Variants in LMTK2 observed in about 807,000 individuals in gnomAD.
The protein encoded by LMTK2 is serine/threonine-protein kinase LMTK2.
A neutral mutation model predicts 127.5 loss-of-function variants in LMTK2; 37 were observed. That is an observed-to-expected ratio of 0.29 (90% confidence interval 0.22 to 0.38). The LOEUF (loss-of-function observed/expected upper bound fraction) is 0.38, where lower values mean the gene tolerates loss of function less well. Among genes scored for constraint, LMTK2 ranks in the 10% least tolerant of loss-of-function variants. The probability of loss-of-function intolerance (pLI) is 1.00; values close to 1 mark genes in which losing one functional copy is unlikely to be tolerated. For missense variants in LMTK2, 1,694 were observed against 1,920.3 expected, an observed-to-expected ratio of 0.88 and a Z score of 2.20; for synonymous variants, 819 against 810.1, an observed-to-expected ratio of 1.01 and a Z score of -0.19.
Position 98,159,873 on chromosome 7 carries a change from T to C in LMTK2, c.657+448T>C, listed in dbSNP as rs148403011. Reference sequence around the variant, plus strand: ...CTTTACCTAGAGTACTCCTCATCCGTCAGCATCTGAAAATAGCAAACGTAT... The same window carrying C: ...CTTTACCTAGAGTACTCCTCATCCGCCAGCATCTGAAAATAGCAAACGTAT... On this transcript the variant is annotated intron_variant, in intron 6 of 13. Transcript: ENST00000297293. Among the ~76,000 whole-genome samples the C allele has an allele frequency of 2.4e-4, 36 of 152,326 alleles. No individual in the cohort carries two copies. In the East Asian group the frequency reaches 6.7e-3, roughly 29 times the overall value.
intron 11 of LMTK2, among the ~76,000 whole-genome samples, chr7:98,196,270 T>C (rs1025626509): frequency 6.6e-6 from 1 of 151,838 alleles, no homozygotes; most frequent in Non-Finnish European, 1.5e-5. Context: ...AGGCCGTCTT[T>C]CTCTTTTCAT....
intron 6 of LMTK2, among the ~76,000 whole-genome samples, chr7:98,168,222 GAA>G (rs1797131946): frequency 6.6e-6 from 1 of 152,202 alleles, no homozygotes; most frequent in African/African-American, 2.4e-5. Flanking sequence ...AGAGCAGAGA[GAA>G]GAGATGGACT....
At chr7:98,155,338 T>C (rs1434977298) in intron 5 of LMTK2, among the ~76,000 whole-genome samples, 1 of 152,338 alleles carries the variant, frequency 6.6e-6, no homozygotes, top group East Asian at 1.9e-4. Flanking sequence ...ATGTCATAGA[T>C]GTCTCAGAAG....
rs995084253 is a variant in LMTK2, at chr7:98,106,910, C to G, written c.-268C>G. The G allele has an allele frequency of 4.5e-6, 2 of 444,814 alleles. No homozygotes were observed. Among genetic ancestry groups the G allele is most frequent in the African/African-American group, 4.1e-5 (2 of 48,722 alleles). 27.6% of individuals were successfully genotyped at this position (444,814 alleles called of 1,614,324 possible). A position where few individuals can be genotyped will look rare whatever the true frequency, so the allele number is the denominator to read the frequency against. On this transcript the variant is annotated 5_prime_UTR_variant, in exon 1 of 14. Coordinates refer to ENST00000297293, the MANE Select transcript of LMTK2 (RefSeq NM_014916.4). ...GCGGCGGGAGCGCGGCTTCCCAGGC[C>G]CGCCGCTCCGCAGGGCTGCTGGCGT...
chr7:98,109,480 A>G (rs1447237985), intron 1 of LMTK2, among the ~76,000 whole-genome samples: 1 of 152,206 alleles, frequency 6.6e-6, no homozygotes, highest in Admixed American at 6.5e-5. Context: ...GCAGTGGATC[A>G]CACCTGTAAT....
chr7:98,182,875 G>A (rs1414476046), intron 7 of LMTK2, among the ~76,000 whole-genome samples: 1 of 152,208 alleles, frequency 6.6e-6, no homozygotes, highest in Non-Finnish European at 1.5e-5. Flanking sequence ...TTGTCTGAAT[G>A]AACTCATCCT....
chr7:98,107,313 G>C, intron 1 of LMTK2, 33 bp downstream of exon 1: 1 of 1,293,782 alleles, frequency 7.7e-7, no homozygotes, highest in Non-Finnish European at 9.8e-7. Context: ...CGGGGCTGCG[G>C]GGTCTTCGGC....
In LMTK2 at chr7:98,194,496, C is replaced by T; in HGVS notation, c.4031C>T (p.Pro1344Leu). ...LKPTAANAPDPLPEDWKKEKK... is the reference protein window; with the variant it reads ...LKPTAANAPDLLPEDWKKEKK... ...CCCACAGCGGCCAATGCCCCCGACC[C>T]ACTGCCCGAGGACTGGAAGAAGGAA... Residue 1344 changes from proline to leucine, a missense_variant, in exon 11 of 14, where the codon CCA (proline) becomes CTA (leucine). Physicochemically the swap from Pro to Leu is moderately conservative, Grantham distance 98. Around this residue, in one of 8 missense-constraint regions of LMTK2, gnomAD observed 554 missense variants for 567.7 expected, o/e 0.98. Coordinates refer to ENST00000297293, the MANE Select transcript of LMTK2 (RefSeq NM_014916.4). The surrounding 1 kb of genome is among the most constrained non-coding windows in gnomAD (Gnocchi z 5.4). 2 of 1,613,738 alleles carry T rather than the reference C, an allele frequency of 1.2e-6. No homozygotes were observed. Among genetic ancestry groups the T allele is most frequent in the Non-Finnish European group, 1.7e-6 (2 of 1,180,038 alleles).
intron 7 of LMTK2, among the ~76,000 whole-genome samples, chr7:98,176,141 G>A (rs1312520433): frequency 1.3e-5 from 2 of 152,174 alleles, no homozygotes; most frequent in East Asian, 1.9e-4. Context: ...ATAAAAATAT[G>A]TCTACATAAT....
intron 11 of LMTK2, among the ~76,000 whole-genome samples, chr7:98,200,077 C>T (rs1204385355): frequency 6.6e-6 from 1 of 151,400 alleles, no homozygotes; most frequent in Non-Finnish European, 1.5e-5. Context: ...TTACATTTTT[C>T]TTTTTCTTTT....
At chr7:98,157,251 CGGTAGGTAGGTAGGTAGGTAGGTAGGTA>C (rs60034734) in intron 5 of LMTK2, among the ~76,000 whole-genome samples, 3 of 141,932 alleles carry the variant, frequency 2.1e-5, no homozygotes, top group African/African-American at 5.3e-5. Context: ...GACCCTGTCT[CGGTAGGTAGGTAGGTAGGTAGGTAGGTA>C]GGTAGGTAGG....
chr7:98,205,405 G>T, intron 13 of LMTK2, 59 bp from the exon 14 acceptor site: 1 of 1,606,518 alleles, frequency 6.2e-7, no homozygotes. Context: ...TCCACGCCAT[G>T]CCTGTCTGAT....
chr7:98,115,954 T>A (rs1796276154), intron 1 of LMTK2, among the ~76,000 whole-genome samples: 1 of 152,116 alleles, frequency 6.6e-6, no homozygotes, highest in African/African-American at 2.4e-5. Context: ...TGAACTGTCA[T>A]GGTTTACTGC....
rs572897436 is a variant in LMTK2 at position 98,156,528 on chromosome 7, A to G, written c.569+1652A>G. On this transcript the variant is annotated intron_variant, in intron 5 of 13. Transcript: ENST00000297293. ...ACCAAATGCTGGCAAGGATGTGGAG[A>G]AACTAGATCCCTCATACATTGCTTG... Among the ~76,000 whole-genome samples the G allele has an allele frequency of 2.0e-4, 30 of 152,322 alleles. No individual in the cohort carries two copies. In the East Asian group the frequency reaches 4.0e-3, roughly 21 times the overall value.
intron 11 of LMTK2, among the ~76,000 whole-genome samples, chr7:98,195,688 C>T (rs147562142): frequency 7.2e-5 from 11 of 152,262 alleles, no homozygotes; most frequent in Non-Finnish European, 1.5e-4. Flanking sequence ...TCAGCCCCTG[C>T]GTGGCACCAT....
In LMTK2 at chr7:98,143,264, A is replaced by G. The variant is rs191946045; in HGVS notation, c.376+1723A>G. On this transcript the variant is annotated intron_variant, in intron 3 of 13. Transcript: ENST00000297293. The stretch of plus-strand genomic sequence containing the variant: ...AGTAGAATACCCTCAGAATATTTTT[A>G]TCATCTTGGGATACGAGAGGCCTTT... Among the ~76,000 whole-genome samples the G allele has an allele frequency of 9.0e-4, 137 of 152,328 alleles. 1 individual carries two copies. The East Asian group carries it at 0.017, about 18-fold the overall frequency.
At chr7:98,126,684 C>T (rs1314125274) in intron 1 of LMTK2, 1 of 152,210 alleles carries the variant, frequency 6.6e-6, no homozygotes, top group African/African-American at 2.4e-5. Flanking sequence ...AATGAAATGG[C>T]ACTTTGATAA....
chr7:98,116,817 T>C (rs1306746760), intron 1 of LMTK2, among the ~76,000 whole-genome samples: 1 of 152,246 alleles, frequency 6.6e-6, no homozygotes, highest in African/African-American at 2.4e-5. Flanking sequence ...TTAGTAGTTA[T>C]GCCCCTTGGG....
intron 1 of LMTK2, among the ~76,000 whole-genome samples, chr7:98,124,654 T>C (rs1796417115): frequency 6.6e-6 from 1 of 152,078 alleles, no homozygotes; most frequent in Non-Finnish European, 1.5e-5. Flanking sequence ...GGCATGGTGG[T>C]GCACACCTGT....
Sources: gnomAD v4.1 joint callset for allele counts (sites outside exome capture counted in the v4.1 genomes callset) on GRCh38, gnomAD v4.1.1 for gene constraint, gnomAD v4.1.1 regional missense constraint, Gnocchi (gnomAD v3.1) non-coding constraint, MANE v1.5 for transcripts, NCBI Gene and HGNC (gene_info 2026-07-23, HGNC 2026-07-21) for gene names.